The following GBE1 variants were observed in gnomAD, a reference collection of about 807,000 sequenced individuals.
GBE1 encodes 1,4-alpha-glucan-branching enzyme.
Under a neutral mutation model 88.8 loss-of-function variants are expected in GBE1, and 70 were observed. The observed-to-expected ratio is 0.79, with a 90% confidence interval of 0.65 to 0.96. The LOEUF is 0.96. Among genes scored for constraint, GBE1 ranks in the 40% least tolerant of loss-of-function variants. The pLI is 0.00. For synonymous variants in GBE1, 284 were observed against 300.1 expected, an observed-to-expected ratio of 0.95 and a Z score of 0.56; for missense variants, 872 against 871.0, an observed-to-expected ratio of 1.00 and a Z score of -0.01.
At chr3:81,728,072 T>C (rs1385810302) in intron 1 of GBE1, among the ~76,000 whole-genome samples, 4 of 152,154 alleles carry the variant, frequency 2.6e-5, no homozygotes, top group South Asian at 2.1e-4. Context: ...TTTATTTGTA[T>C]ACAGATTAGC....
At chr3:81,503,991 T>G (rs547060071) in intron 14 of GBE1, among the ~76,000 whole-genome samples, 9 of 152,074 alleles carry the variant, frequency 5.9e-5, no homozygotes, top group Admixed American at 5.9e-4. Flanking sequence ...GAATGTCACA[T>G]GGCAAGCAAG....
chr3:81,653,015 C>T (rs901801442), intron 3 of GBE1, among the ~76,000 whole-genome samples: 2 of 152,114 alleles, frequency 1.3e-5, no homozygotes. Flanking sequence ...AAAGAACTGG[C>T]TTGATTGATC....
intron 1 of GBE1, among the ~76,000 whole-genome samples, chr3:81,708,792 CT>C (rs1327670584): frequency 6.6e-6 from 1 of 152,008 alleles, no homozygotes; most frequent in Non-Finnish European, 1.5e-5. Flanking sequence ...AGGTGAATAA[CT>C]GTGGAATATC....
chr3:81,660,752 T>A (rs939463391), intron 3 of GBE1, among the ~76,000 whole-genome samples: 2 of 152,010 alleles, frequency 1.3e-5, no homozygotes, highest in African/African-American at 4.8e-5. Flanking sequence ...ACACTTTAAA[T>A]TGAAGAAAGT....
At chr3:81,699,010 C>T (rs1379275515) in intron 2 of GBE1, among the ~76,000 whole-genome samples, 2 of 151,290 alleles carry the variant, frequency 1.3e-5, no homozygotes, top group Non-Finnish European at 3.0e-5. Context: ...GGTTCACATA[C>T]GTCAAAGAGG....
At chr3:81,624,132 G>C (rs1034110954) in intron 7 of GBE1, among the ~76,000 whole-genome samples, 6 of 152,194 alleles carry the variant, frequency 3.9e-5, no homozygotes, top group Non-Finnish European at 8.8e-5. Flanking sequence ...AGAAGGCAAA[G>C]AGGAAGCAAG....
intron 4 of GBE1, 48 bp from the exon 5 acceptor site, chr3:81,649,039 T>C (rs1468939919): frequency 8.4e-7 from 1 of 1,192,092 alleles, no homozygotes; most frequent in Non-Finnish European, 1.2e-6. Flanking sequence ...AATTCTGGTA[T>C]GACACTACCT....
chr3:81,578,650 T>C (rs1035374653), intron 11 of GBE1, among the ~76,000 whole-genome samples: 1 of 151,966 alleles, frequency 6.6e-6, no homozygotes, highest in Non-Finnish European at 1.5e-5. Context: ...CTCATTGTAT[T>C]TGCCATTTAA....
intron 1 of GBE1, among the ~76,000 whole-genome samples, chr3:81,720,353 T>G (rs1706008430): frequency 6.8e-6 from 1 of 146,486 alleles, no homozygotes. Context: ...TGTGTATGTG[T>G]GTGTGTGTGT....
At chr3:81,735,286 C>T (rs1380841983) in intron 1 of GBE1, among the ~76,000 whole-genome samples, 1 of 152,182 alleles carries the variant, frequency 6.6e-6, no homozygotes, top group East Asian at 1.9e-4. Flanking sequence ...ATGTTATATT[C>T]TCCACTGAGA....
chr3:81,499,911 T>A (rs1041743576), intron 14 of GBE1, among the ~76,000 whole-genome samples: 1 of 152,176 alleles, frequency 6.6e-6, no homozygotes. Flanking sequence ...CAAAAATCTA[T>A]AATTAAATAT....
rs144617086 is a variant in GBE1, at chr3:81,574,903, G to A, written c.1618+3022C>T. 2.4e-3 allele frequency among the ~76,000 whole-genome samples: 359 copies of A among 152,204 alleles called. 2 individuals are homozygous for A. Among genetic ancestry groups the A allele is most frequent in the African/African-American group, 8.2e-3 (339 of 41,522 alleles). On this transcript the variant is annotated intron_variant, in intron 12 of 15. Coordinates refer to ENST00000429644, the MANE Select transcript of GBE1 (RefSeq NM_000158.4). Reference sequence around the variant, plus strand: ...AATGAGGCCGGGGGCAGTGGCTCACGCCTGTAATCCCAGCACTTTGGGAGG... The same window carrying A: ...AATGAGGCCGGGGGCAGTGGCTCACACCTGTAATCCCAGCACTTTGGGAGG...
intron 14 of GBE1, among the ~76,000 whole-genome samples, chr3:81,508,584 A>G (rs1702684971): frequency 6.6e-6 from 1 of 152,168 alleles, no homozygotes; most frequent in South Asian, 2.1e-4. Context: ...AATAATTTTG[A>G]TTCAGGCTAT....
intron 12 of GBE1, among the ~76,000 whole-genome samples, chr3:81,574,627 A>T (rs1213645396): frequency 6.6e-6 from 1 of 152,188 alleles, no homozygotes; most frequent in East Asian, 1.9e-4. Flanking sequence ...TTTTTCTCAA[A>T]TTGGAAATCA....
At chr3:81,728,795 CT>C (rs1706148178) in intron 1 of GBE1, among the ~76,000 whole-genome samples, 1 of 152,146 alleles carries the variant, frequency 6.6e-6, no homozygotes, top group Non-Finnish European at 1.5e-5. Flanking sequence ...CTGCTGCCTT[CT>C]TATACACAAA....
Position 81,490,301 on chromosome 3 carries a change from C to A in GBE1, c.*106G>T. The A allele has an allele frequency of 1.0e-6, 1 of 957,800 alleles. No individual in the cohort carries two copies. Among genetic ancestry groups the A allele is most frequent in the Non-Finnish European group, 1.7e-6 (1 of 601,632 alleles). The allele number at this position is 957,800 out of a possible 1,614,324, so 59.3% of individuals were successfully genotyped here. A position where few individuals can be genotyped will look rare whatever the true frequency, so the allele number is the denominator to read the frequency against. On this transcript the variant is annotated 3_prime_UTR_variant, in exon 16 of 16. Coordinates refer to ENST00000429644, the MANE Select transcript of GBE1 (RefSeq NM_000158.4). ...GAATTTCAGACACTTGATGGCTTGGCTAGACAACTGTATTCTGAAAAGCAT... is the reference window on the plus strand; with the variant it reads ...GAATTTCAGACACTTGATGGCTTGGATAGACAACTGTATTCTGAAAAGCAT...
intron 12 of GBE1, among the ~76,000 whole-genome samples, chr3:81,573,561 T>G (rs768160962): frequency 4.6e-5 from 7 of 152,236 alleles, no homozygotes; most frequent in Non-Finnish European, 8.8e-5. Flanking sequence ...GGGCAAGAAC[T>G]ATTTTTCATC....
chr3:81,611,492 C>T (rs898510801), intron 7 of GBE1, among the ~76,000 whole-genome samples: 2 of 152,110 alleles, frequency 1.3e-5, no homozygotes, highest in African/African-American at 2.4e-5. Context: ...GTGATTGGAT[C>T]GGCTTTGTGA....
intron 2 of GBE1, among the ~76,000 whole-genome samples, chr3:81,697,620 C>T (rs928516463): frequency 3.9e-5 from 6 of 152,132 alleles, no homozygotes; most frequent in Non-Finnish European, 7.4e-5. Context: ...AACTTCTATG[C>T]CCTCTCTGGG....
Sources: gnomAD v4.1 joint callset for allele counts (sites outside exome capture counted in the v4.1 genomes callset) on GRCh38, gnomAD v4.1.1 for gene constraint, MANE v1.5 for transcripts, NCBI Gene and HGNC (gene_info 2026-07-23, HGNC 2026-07-21) for gene names.